Variants in LHFPL3 observed in about 807,000 individuals in gnomAD.
LHFPL3 encodes LHFPL tetraspan subfamily member 3 protein.
LHFPL3 carries 5 observed loss-of-function variants against 19.3 expected under a neutral mutation model. That is an observed-to-expected ratio of 0.26 (90% CI 0.14 to 0.54). The LOEUF is 0.54. LHFPL3 is among the 20% of genes least tolerant of loss of function. The pLI, the probability that LHFPL3 is intolerant of heterozygous loss-of-function variation, is 0.94. For synonymous variants in LHFPL3, 133 were observed against 126.2 expected (o/e 1.05, Z -0.36); for missense variants, 249 against 307.4 (o/e 0.81, Z 1.42).
rs556700560 is a variant in LHFPL3, at chr7:104,701,868, T to TC, written c.446-34807_446-34806insC. On this transcript the variant is annotated intron_variant, in intron 1 of 2. Coordinates refer to ENST00000424859, the MANE Select transcript of LHFPL3 (RefSeq NM_199000.3). ...AACCCTTTTTTGTTCTGATTCTTTT[T>TC]TAAAAAAATTTATTATACTTTAAGT... is the stretch of plus-strand genomic sequence containing the variant. Among the ~76,000 whole-genome samples the TC allele has an allele frequency of 4.2e-4, 36 of 86,392 alleles. No homozygotes were observed. The East Asian group carries it at 0.013, about 30-fold the overall frequency. The allele number at this position is 86,392 out of a possible 152,430, so 56.7% of individuals were successfully genotyped here. A position where few individuals can be genotyped will look rare whatever the true frequency, so the allele number is the denominator to read the frequency against.
intron 2 of LHFPL3, among the ~76,000 whole-genome samples, chr7:104,888,818 T>C (rs992201510): frequency 2.0e-5 from 3 of 152,190 alleles, no homozygotes; most frequent in Admixed American, 6.5e-5. Flanking sequence ...GTCTAAGTTT[T>C]CCAGGCGAAG....
intron 1 of LHFPL3, among the ~76,000 whole-genome samples, chr7:104,627,723 A>G (rs1351294273): frequency 3.9e-5 from 6 of 152,192 alleles, no homozygotes; most frequent in Non-Finnish European, 7.3e-5. Flanking sequence ...ACAAATTAGT[A>G]GAGGTTCAGC....
In LHFPL3 at chr7:104,464,418, C is replaced by T. The variant is rs576539387; in HGVS notation, c.445+135194C>T. Among the ~76,000 whole-genome samples, 54 of 152,336 alleles carry T rather than the reference C, an allele frequency of 3.5e-4. 1 individual carries two copies. Among genetic ancestry groups the T allele is most frequent in the African/African-American group, 1.2e-3 (51 of 41,576 alleles). Reference sequence around the variant, plus strand: ...TCTCACAGCTCCACTATGCAGTTCTCCAGTGGGGACTCTGTGTGGGGGCTC... The same window carrying T: ...TCTCACAGCTCCACTATGCAGTTCTTCAGTGGGGACTCTGTGTGGGGGCTC... On this transcript the variant is annotated intron_variant, in intron 1 of 2. Transcript: ENST00000424859.
chr7:104,824,559 ATTATATATATTATT>A (rs1164501694), intron 2 of LHFPL3, among the ~76,000 whole-genome samples: 38 of 73,304 alleles, frequency 5.2e-4, no homozygotes, highest in Non-Finnish European at 8.6e-4. Flanking sequence ...ATAATATATA[ATTATATATATTATT>A]TTATATATAA....
intron 2 of LHFPL3, among the ~76,000 whole-genome samples, chr7:104,857,825 G>A (rs540424794): frequency 6.6e-6 from 1 of 152,302 alleles, no homozygotes; most frequent in South Asian, 2.1e-4. Flanking sequence ...CACCCTCGGT[G>A]TAATTCCTAA....
At chr7:104,612,426 A>G (rs1791229148) in intron 1 of LHFPL3, among the ~76,000 whole-genome samples, 1 of 152,142 alleles carries the variant, frequency 6.6e-6, no homozygotes. Context: ...TGGACATCCA[A>G]GAGGCAAAAC....
At chr7:104,769,432 T>C (rs1460972587) in intron 2 of LHFPL3, among the ~76,000 whole-genome samples, 1 of 151,950 alleles carries the variant, frequency 6.6e-6, no homozygotes, top group Non-Finnish European at 1.5e-5. Context: ...ACACTAAAAC[T>C]TTTTGACCTA....
chr7:104,434,458 G>C (rs550044950), intron 1 of LHFPL3, among the ~76,000 whole-genome samples: 1 of 152,156 alleles, frequency 6.6e-6, no homozygotes, highest in African/African-American at 2.4e-5. Flanking sequence ...GGGGGTCTAG[G>C]ATACAGAAAA....
intron 1 of LHFPL3, among the ~76,000 whole-genome samples, chr7:104,551,908 A>C (rs1794668649): frequency 6.6e-6 from 1 of 152,128 alleles, no homozygotes; most frequent in Non-Finnish European, 1.5e-5. Flanking sequence ...TACTTGTTTC[A>C]TGGTGTGCTC....
chr7:104,518,797 T>TA lies in LHFPL3; in HGVS notation c.445+189573_445+189574insA, dbSNP rs368819899. Among the ~76,000 whole-genome samples, 13 of 138,640 alleles carry TA rather than the reference T, an allele frequency of 9.4e-5. No homozygotes were observed. The East Asian group carries it at 1.0e-3, about 11-fold the overall frequency. 91.0% of individuals were successfully genotyped at this position (138,640 alleles called of 152,430 possible). On this transcript the variant is annotated intron_variant, in intron 1 of 2. Transcript: ENST00000424859. ...AGACTCCATCTCAAAAATAAATAGA[T>TA]GATAGATAGATAGATAGATAGATAG...
At position 104,906,512 on chromosome 7, in the gene LHFPL3, A is replaced by G; in HGVS notation, c.*297A>G. 9.4e-6 allele frequency: 4 copies of G among 423,372 alleles called. No individual in the cohort carries two copies. Among genetic ancestry groups the G allele is most frequent in the East Asian group, 3.7e-5 (1 of 26,672 alleles). 26.2% of individuals were successfully genotyped at this position (423,372 alleles called of 1,614,324 possible). On this transcript the variant is annotated 3_prime_UTR_variant, in exon 3 of 3. Transcript: ENST00000424859. ...AAAAATCATATTCAGGAAATAAGGA[A>G]GAGGAATATAAATGCTCTAGAGTTA...
At chr7:104,390,311 A>G (rs1377488620) in intron 1 of LHFPL3, among the ~76,000 whole-genome samples, 1 of 151,954 alleles carries the variant, frequency 6.6e-6, no homozygotes, top group African/African-American at 2.4e-5. Context: ...TACATTAGGT[A>G]TATCTCCTAA....
intron 1 of LHFPL3, among the ~76,000 whole-genome samples, chr7:104,615,066 C>A (rs1791306452): frequency 6.6e-6 from 1 of 152,070 alleles, no homozygotes; most frequent in South Asian, 2.1e-4. Context: ...AAGAACCTGT[C>A]TTTTACTTGA....
intron 1 of LHFPL3, among the ~76,000 whole-genome samples, chr7:104,580,228 T>C (rs1331467314): frequency 6.6e-6 from 1 of 152,200 alleles, no homozygotes; most frequent in African/African-American, 2.4e-5. Flanking sequence ...TATGTAACAC[T>C]GATGTATGTA....
At chr7:104,460,667 A>G (rs1792644356) in intron 1 of LHFPL3, among the ~76,000 whole-genome samples, 1 of 151,954 alleles carries the variant, frequency 6.6e-6, no homozygotes, top group Non-Finnish European at 1.5e-5. Context: ...GTGTCTTTTC[A>G]TGTCCTTTGC....
intron 1 of LHFPL3, among the ~76,000 whole-genome samples, chr7:104,614,210 G>A (rs1322078871): frequency 6.6e-6 from 1 of 152,168 alleles, no homozygotes; most frequent in Non-Finnish European, 1.5e-5. Flanking sequence ...CATGAGGGCT[G>A]TCTTGGTCAG....
chr7:104,539,318 G>T (rs1794443410), intron 1 of LHFPL3, among the ~76,000 whole-genome samples: 1 of 152,178 alleles, frequency 6.6e-6, no homozygotes, highest in African/African-American at 2.4e-5. Context: ...ATTTACTTGT[G>T]TGAGGTCCTT....
intron 2 of LHFPL3, among the ~76,000 whole-genome samples, chr7:104,865,795 GA>G (rs1286215080): frequency 6.6e-6 from 1 of 152,146 alleles, no homozygotes; most frequent in Non-Finnish European, 1.5e-5. Context: ...AAATTGAAAT[GA>G]AGGAAAAAAT....
At chr7:104,663,931 T>C (rs1483684197) in intron 1 of LHFPL3, among the ~76,000 whole-genome samples, 1 of 152,212 alleles carries the variant, frequency 6.6e-6, no homozygotes, top group Non-Finnish European at 1.5e-5. Flanking sequence ...CAAAAGATAT[T>C]GCTGTATGTG....
Sources: gnomAD v4.1 joint callset for allele counts (sites outside exome capture counted in the v4.1 genomes callset) on GRCh38, gnomAD v4.1.1 for gene constraint, MANE v1.5 for transcripts, NCBI Gene and HGNC (gene_info 2026-07-23, HGNC 2026-07-21) for gene names.